The following NFIB variants were observed in gnomAD, a reference collection of about 807,000 sequenced individuals.
NFIB encodes the protein nuclear factor 1 B-type.
In NFIB, 11 loss-of-function variants were observed where a neutral mutation model predicts 61.5. The observed-to-expected ratio is 0.18, with a 90% confidence interval of 0.11 to 0.30. NFIB has a LOEUF of 0.30. Ranked by LOEUF, NFIB falls within the 10% of genes least tolerant of loss-of-function variation. The pLI is 1.00. For missense variants in NFIB, 471 were observed against 608.9 expected (o/e 0.77, Z 2.38); for synonymous variants, 260 against 216.5 (o/e 1.20, Z -1.76).
At chr9:14,407,953 C>G in the NFIB span, among the ~76,000 whole-genome samples, 1 of 151,994 alleles carries the variant, frequency 6.6e-6, no homozygotes, top group Non-Finnish European at 1.5e-5. Context: ...TCTCAAAGCC[C>G]GGGGGTTACA....
Position 14,337,871 on chromosome 9 carries a change from G to A in NFIB, c.109-30351C>T, listed in dbSNP as rs758371857. On this transcript the variant is annotated intron_variant, in intron 1 of 8. Coordinates refer to the NFIB transcript ENST00000380934. ...CAAGGTCAAATCCATATTATTATGGGTTCCATTGTCTTGAAACCTTTCTGC... is the reference window on the plus strand; with the variant it reads ...CAAGGTCAAATCCATATTATTATGGATTCCATTGTCTTGAAACCTTTCTGC... 4.6e-5 allele frequency among the ~76,000 whole-genome samples: 7 copies of A among 152,140 alleles called. No homozygotes were observed. The South Asian group carries it at 1.0e-3, about 23-fold the overall frequency.
At chr9:14,441,773 G>C in the NFIB span, among the ~76,000 whole-genome samples, 4 of 152,096 alleles carry the variant, frequency 2.6e-5, no homozygotes, top group Non-Finnish European at 5.9e-5. Context: ...GGAATAAGCA[G>C]TAGTTGCTAT....
chr9:14,185,708 T>C (rs1291163875), intron 2 of NFIB, among the ~76,000 whole-genome samples: 1 of 152,140 alleles, frequency 6.6e-6, no homozygotes, highest in Non-Finnish European at 1.5e-5. Context: ...AGCATACCGC[T>C]CTGTGTAAAA....
the NFIB span, among the ~76,000 whole-genome samples, chr9:14,491,943 C>A: frequency 1.3e-5 from 2 of 152,144 alleles, no homozygotes; most frequent in African/African-American, 2.4e-5. Flanking sequence ...ATTGGCACCT[C>A]ACAGTTTATA....
chr9:14,451,073 A>G, the NFIB span, among the ~76,000 whole-genome samples: 1 of 152,222 alleles, frequency 6.6e-6, no homozygotes, highest in East Asian at 1.9e-4. Flanking sequence ...TACCTCGGTG[A>G]AGCCTGAATC....
At chr9:14,509,395 C>CTAA in the NFIB span, among the ~76,000 whole-genome samples, 1 of 152,170 alleles carries the variant, frequency 6.6e-6, no homozygotes, top group Non-Finnish European at 1.5e-5. Context: ...TCAGTGAAAA[C>CTAA]CATACCATTC....
intron 1 of NFIB, among the ~76,000 whole-genome samples, chr9:14,342,805 GT>G (rs929703644): frequency 2.6e-5 from 4 of 152,126 alleles, no homozygotes; most frequent in Non-Finnish European, 5.9e-5. Context: ...GCATATGTGT[GT>G]TTTATAACAT....
chr9:14,112,839 A>G (rs187760506), intron 10 of NFIB, among the ~76,000 whole-genome samples, 160 bp downstream of exon 10: 37 of 152,336 alleles, frequency 2.4e-4, no homozygotes, highest in Non-Finnish European at 4.3e-4. Flanking sequence ...GAGGTGAGAA[A>G]CAAAGGATCA....
intron 3 of NFIB, among the ~76,000 whole-genome samples, chr9:14,178,049 C>G (rs1027353393): frequency 1.6e-4 from 25 of 152,140 alleles, no homozygotes; most frequent in African/African-American, 6.0e-4. Context: ...AGCTTTCATT[C>G]AAATGCAGAA....
intron 6 of NFIB, among the ~76,000 whole-genome samples, chr9:14,133,043 A>C (rs2040586090): frequency 6.6e-6 from 1 of 152,156 alleles, no homozygotes; most frequent in African/African-American, 2.4e-5. Context: ...ACATAAGCAC[A>C]CTTAGCTTAG....
chr9:14,094,541 A>G (rs777180218), intron 10 of NFIB: 3 of 152,270 alleles, frequency 2.0e-5, no homozygotes, highest in Non-Finnish European at 4.4e-5. Flanking sequence ...AGGGATCATT[A>G]TTGCCGTCGG....
chr9:14,314,247 T>C (rs952335141), upstream of NFIB: 11 of 733,074 alleles, frequency 1.5e-5, no homozygotes, highest in African/African-American at 2.1e-4. Flanking sequence ...CGCTGATCTC[T>C]GGGGCGGAAG....
chr9:14,510,093 AC>A, the NFIB span, among the ~76,000 whole-genome samples: 17 of 152,280 alleles, frequency 1.1e-4, no homozygotes, highest in African/African-American at 3.8e-4. Context: ...ACAGGATTTC[AC>A]CATATTGGCC....
intron 2 of NFIB, among the ~76,000 whole-genome samples, chr9:14,236,105 T>C: frequency 6.6e-6 from 1 of 152,216 alleles, no homozygotes; most frequent in East Asian, 1.9e-4. Flanking sequence ...TCATCTTCCA[T>C]TCCTACAACA....
At chr9:14,322,357 ATTG>A (rs1450269165) in intron 1 of NFIB, 14 of 245,620 alleles carry the variant, frequency 5.7e-5, no homozygotes, top group Non-Finnish European at 8.6e-5. Flanking sequence ...GGTGGGTTTT[ATTG>A]TTGTTTTAGC....
intron 2 of NFIB, among the ~76,000 whole-genome samples, chr9:14,198,656 G>T (rs564331308): frequency 5.3e-4 from 80 of 152,268 alleles, no homozygotes; most frequent in African/African-American, 1.9e-3. Flanking sequence ...CACCCGCAAT[G>T]ACTGGGACTC....
exon 1 of NFIB, chr9:14,398,584 T>C (rs2133049251): frequency 6.5e-7 from 1 of 1,535,222 alleles, no homozygotes; most frequent in South Asian, 1.2e-5. Context: ...ATTTCAGAAC[T>C]GCACAGCAGA....
rs144634818 is a variant in NFIB at position 14,396,683 on chromosome 9, C to G, written c.108+1841G>C. Among the ~76,000 whole-genome samples, 405 of 152,134 alleles carry G rather than the reference C, an allele frequency of 2.7e-3. 1 individual carries two copies. Among genetic ancestry groups the G allele is most frequent in the African/African-American group, 9.3e-3 (387 of 41,488 alleles). ...TATATTATCCCTCAAAAAGTGGAGA[C>G]GAAAGGAGAAATTGCTCATTTGTTT... is the stretch of plus-strand genomic sequence containing the variant. On this transcript the variant is annotated intron_variant, in intron 1 of 8. Transcript: ENST00000380934.
the NFIB span, among the ~76,000 whole-genome samples, chr9:14,525,534 C>T: frequency 3.3e-5 from 5 of 152,142 alleles, no homozygotes; most frequent in South Asian, 8.3e-4. Context: ...TTCCAAAGTA[C>T]CAGGCAAACA....
Sources: gnomAD v4.1 joint callset for allele counts (sites outside exome capture counted in the v4.1 genomes callset) on GRCh38, gnomAD v4.1.1 for gene constraint, MANE v1.5 for transcripts, NCBI Gene and HGNC (gene_info 2026-07-23, HGNC 2026-07-21) for gene names.